The following ZC2HC1B variants were observed in gnomAD, a reference collection of about 807,000 sequenced individuals.
The protein encoded by ZC2HC1B is zinc finger C2HC domain-containing protein 1B.
ZC2HC1B carries 36 observed loss-of-function variants against 31.0 expected under a neutral mutation model. That is an observed-to-expected ratio of 1.16 (90% CI 0.89 to 1.54). ZC2HC1B has a LOEUF of 1.54. Among genes scored for constraint, ZC2HC1B ranks in the 40% most tolerant of loss-of-function variants. The pLI is 0.00. For missense variants in ZC2HC1B, 260 were observed against 268.6 expected (o/e 0.97, Z 0.22); for synonymous variants, 73 against 88.0 (o/e 0.83, Z 0.95).
chr6:143,875,202 GAGAA>G (rs1777390512), intron 1 of ZC2HC1B, among the ~76,000 whole-genome samples: 1 of 152,148 alleles, frequency 6.6e-6, no homozygotes, highest in Non-Finnish European at 1.5e-5. Context: ...GTGACATACA[GAGAA>G]AGGCAATTAC....
Position 143,870,803 on chromosome 6 carries a change from C to T in ZC2HC1B, c.28+6236C>T, listed in dbSNP as rs7763597. Among the ~76,000 whole-genome samples, 3,058 of 152,274 alleles carry T rather than the reference C, an allele frequency of 0.02. 129 individuals carry two copies. The highest frequency in any genetic ancestry group is 0.071 in the African/African-American group (2,947 of 41,538). ...GGGGCCTGCCAAAGGCTCCAAACAG[C>T]ATCGCCATCTGCCACTGACACCTCA... On this transcript the variant is annotated intron_variant, in intron 1 of 7. Transcript: ENST00000237275. This position sits in a 1 kb window ranked among gnomAD's most constrained non-coding sequence, Gnocchi z 4.7.
intron 6 of ZC2HC1B, among the ~76,000 whole-genome samples, chr6:143,919,387 T>C (rs989209049): frequency 7.4e-6 from 1 of 135,746 alleles, no homozygotes; most frequent in Non-Finnish European, 1.6e-5. Flanking sequence ...CTCATATATG[T>C]AGTTTTTTAA....
At chr6:143,882,334 T>TTATATATATATATATATATATA (rs59777839) in intron 1 of ZC2HC1B, among the ~76,000 whole-genome samples, 15 of 85,524 alleles carry the variant, frequency 1.8e-4, no homozygotes, top group African/African-American at 8.3e-4. Flanking sequence ...TTTATATTTT[T>TTATATATATATATATATATATA]TATATATATA....
chr6:143,932,505 T>G (rs1471612001), intron 6 of ZC2HC1B, among the ~76,000 whole-genome samples: 1 of 152,210 alleles, frequency 6.6e-6, no homozygotes, highest in Non-Finnish European at 1.5e-5. Flanking sequence ...TTCCAGAAGT[T>G]GTGATTGTTT....
At chr6:143,930,588 A>T (rs957076635) in intron 6 of ZC2HC1B, among the ~76,000 whole-genome samples, 1 of 151,474 alleles carries the variant, frequency 6.6e-6, no homozygotes, top group African/African-American at 2.4e-5. Context: ...ACGGGATTTC[A>T]CCGTGGTCTC....
At chr6:143,891,760 G>A (rs1464253005) in intron 4 of ZC2HC1B, among the ~76,000 whole-genome samples, 3 of 151,878 alleles carry the variant, frequency 2.0e-5, no homozygotes, top group Admixed American at 2.0e-4. Flanking sequence ...AGATTTTATG[G>A]AACTGGAAAG....
At position 143,933,608 on chromosome 6, in the gene ZC2HC1B, G is replaced by A. The variant is rs145995064; in HGVS notation, c.599-4041G>A. 4.2e-3 allele frequency among the ~76,000 whole-genome samples: 645 copies of A among 152,190 alleles called. 4 individuals are homozygous for A. Among genetic ancestry groups the A allele is most frequent in the African/African-American group, 0.014 (581 of 41,510 alleles). On this transcript the variant is annotated intron_variant, in intron 6 of 7. Transcript: ENST00000237275. The surrounding 1 kb of genome is among the most constrained non-coding windows in gnomAD (Gnocchi z 6.4). ...TGCCTCTGTCACCAGGGAAGTGGGC[G>A]AAAGCTGGTAGCAACAGGCCTCACC...
At chr6:143,927,299 C>CTCCCACCT (rs1778064690) in intron 6 of ZC2HC1B, among the ~76,000 whole-genome samples, 1 of 152,070 alleles carries the variant, frequency 6.6e-6, no homozygotes, top group Non-Finnish European at 1.5e-5. Flanking sequence ...CCTTACCCGC[C>CTCCCACCT]TCCCACCTTC....
intron 1 of ZC2HC1B, among the ~76,000 whole-genome samples, chr6:143,880,637 GTCATA>G (rs1209500115): frequency 6.6e-6 from 1 of 151,966 alleles, no homozygotes; most frequent in Non-Finnish European, 1.5e-5. Context: ...GGCTTTGCAG[GTCATA>G]TGGCCTTCAT....
chr6:143,931,306 G>A (rs1453895890), intron 6 of ZC2HC1B, among the ~76,000 whole-genome samples: 1 of 152,018 alleles, frequency 6.6e-6, no homozygotes, highest in Non-Finnish European at 1.5e-5. Context: ...TTTACATTCA[G>A]CATTATTTTT....
chr6:143,906,470 G>C (rs2128495569), intron 6 of ZC2HC1B, among the ~76,000 whole-genome samples: 1 of 151,406 alleles, frequency 6.6e-6, no homozygotes, highest in East Asian at 1.9e-4. Context: ...TTGAGAGAGA[G>C]CCTCACTCTG....
rs949530026 is a variant in ZC2HC1B at position 143,865,718 on chromosome 6, CAT to C, written c.28+1153_28+1154del. On this transcript the variant is annotated intron_variant, in intron 1 of 7. Transcript: ENST00000237275. This position sits in a 1 kb window ranked among gnomAD's most constrained non-coding sequence, Gnocchi z 4.4. The stretch of plus-strand genomic sequence containing the variant: ...GGAAAGATTTCAGAAAAGAATTAAA[CAT>C]AGAACCATAGCAGGGCCTAGAATCA... Among the ~76,000 whole-genome samples, 21 of 131,292 alleles carry C rather than the reference CAT, an allele frequency of 1.6e-4. No homozygotes were observed. The highest frequency in any genetic ancestry group is 6.1e-4 in the African/African-American group (21 of 34,516). The allele number at this position is 131,292 out of a possible 152,430, so 86.1% of individuals were successfully genotyped here.
rs144157982 is a variant in ZC2HC1B at position 143,931,221 on chromosome 6, A to G, written c.599-6428A>G. ...TTTATGCATTAGCTGAGTCTCTTGA[A>G]GACAACAGATACTTCATCGGTGGAT... is the stretch of plus-strand genomic sequence containing the variant. On this transcript the variant is annotated intron_variant, in intron 6 of 7. Coordinates refer to ENST00000237275, the MANE Select transcript of ZC2HC1B (RefSeq NM_001013623.3). Among the ~76,000 whole-genome samples, 50 of 152,280 alleles carry G rather than the reference A, an allele frequency of 3.3e-4. 1 individual carries two copies. The East Asian group carries it at 9.3e-3, about 28-fold the overall frequency.
At chr6:143,907,348 A>T (rs1777807843) in intron 6 of ZC2HC1B, among the ~76,000 whole-genome samples, 1 of 152,228 alleles carries the variant, frequency 6.6e-6, no homozygotes, top group Non-Finnish European at 1.5e-5. Flanking sequence ...ATCTTTGAGG[A>T]ATCACCACAC....
In ZC2HC1B at chr6:143,899,644, T is replaced by C. The variant is rs921742286; in HGVS notation, c.489+953T>C. ...TGCCCTCTTCAGCCTCCCAAAGTGC[T>C]AGAACTACAAGTGTGAGCATCGTGC... On this transcript the variant is annotated intron_variant, in intron 5 of 7. Transcript: ENST00000237275. This position sits in a 1 kb window ranked among gnomAD's most constrained non-coding sequence, Gnocchi z 5.0. 2.0e-5 allele frequency among the ~76,000 whole-genome samples: 3 copies of C among 152,218 alleles called. No homozygotes were observed. The highest frequency in any genetic ancestry group is 2.1e-4 in the South Asian group (1 of 4,830).
chr6:143,897,838 C>A (rs1187836517), intron 4 of ZC2HC1B, among the ~76,000 whole-genome samples: 1 of 152,194 alleles, frequency 6.6e-6, no homozygotes, highest in African/African-American at 2.4e-5. Context: ...TTCTCTAAGA[C>A]CCACCCAGCA....
At position 143,899,418 on chromosome 6, in the gene ZC2HC1B, C is replaced by T. The variant is rs1051876599; in HGVS notation, c.489+727C>T. Among the ~76,000 whole-genome samples, 3 of 152,218 alleles carry T rather than the reference C, an allele frequency of 2.0e-5. No individual in the cohort carries two copies. The highest frequency in any genetic ancestry group is 6.5e-5 in the Admixed American group (1 of 15,286). Reference sequence around the variant, plus strand: ...TGAGACAGGGGCTCACTCTGTTGCCCAGGCTGGAGTGCAATGGTGTAATCA... The same window carrying T: ...TGAGACAGGGGCTCACTCTGTTGCCTAGGCTGGAGTGCAATGGTGTAATCA... On this transcript the variant is annotated intron_variant, in intron 5 of 7. Transcript: ENST00000237275. The surrounding 1 kb of genome is among the most constrained non-coding windows in gnomAD (Gnocchi z 5.0).
chr6:143,880,126 C>G (rs1212755726), intron 1 of ZC2HC1B, among the ~76,000 whole-genome samples: 1 of 152,090 alleles, frequency 6.6e-6, no homozygotes, highest in African/African-American at 2.4e-5. Context: ...CCATTCCTGG[C>G]CTATGTTTTA....
In ZC2HC1B at chr6:143,884,306, G is replaced by A. The variant is rs901818972; in HGVS notation, c.31G>A (p.Gly11Ser). ...ATGTGCTCTTGAATTTTACACAGAT[G>A]GCAATCAGGAATTGTTTCCCTGTGA... MAGAEPFLAD[G>S]NQELFPCEVC... Residue 11 changes from glycine to serine, a missense_variant and splice_region_variant, in exon 2 of 8, where the codon GGC (glycine) becomes AGC (serine). Gly to Ser is a moderately conservative substitution (Grantham distance 56, BLOSUM62 0). Coordinates refer to ENST00000237275, the MANE Select transcript of ZC2HC1B (RefSeq NM_001013623.3). This position sits in a 1 kb window ranked among gnomAD's most constrained non-coding sequence, Gnocchi z 5.1. The A allele has an allele frequency of 2.2e-5, 34 of 1,530,502 alleles. No homozygotes were observed. Among genetic ancestry groups the A allele is most frequent in the Non-Finnish European group, 2.9e-5 (33 of 1,131,332 alleles). The allele number at this position is 1,530,502 out of a possible 1,614,324, so 94.8% of individuals were successfully genotyped here. A position where few individuals can be genotyped will look rare whatever the true frequency, so the allele number is the denominator to read the frequency against.
Sources: allele counts gnomAD v4.1 joint callset (sites outside exome capture counted in the v4.1 genomes callset), GRCh38; gene constraint gnomAD v4.1.1; non-coding constraint Gnocchi (gnomAD v3.1); transcripts MANE v1.5; gene names NCBI Gene and HGNC (gene_info 2026-07-23, HGNC 2026-07-21).